The following HTR1D variants were observed in gnomAD, a reference collection of about 807,000 sequenced individuals.
HTR1D encodes 5-hydroxytryptamine receptor 1D.
In HTR1D, 18 loss-of-function variants were observed where a neutral mutation model predicts 21.1. That is an observed-to-expected ratio of 0.85 (90% CI 0.59 to 1.27). The LOEUF (loss-of-function observed/expected upper bound fraction) is 1.27. Ranked by LOEUF, HTR1D falls within the 50% of genes most tolerant of loss-of-function variation. The pLI is 0.00. For missense variants in HTR1D, 456 were observed against 481.4 expected, an observed-to-expected ratio of 0.95 and a Z score of 0.49; for synonymous variants, 196 against 204.4, an observed-to-expected ratio of 0.96 and a Z score of 0.35.
chr1:23,216,056 C>T (rs886095205), intron 1 of HTR1D, among the ~76,000 whole-genome samples: 2 of 152,248 alleles, frequency 1.3e-5, no homozygotes, highest in Non-Finnish European at 2.9e-5. Context: ...ACCAGTGGAG[C>T]AGGACTAAAG....
In HTR1D at chr1:23,193,494, G is replaced by C. The variant is rs1319889673; in HGVS notation, c.726C>G (p.Ala242=). ...ACCCGGCAGAGCCTGTGATGAGGTG[G>C]GCCGTGGTGAAGCGCTTCCCATAGA... ...PSLYGKRFTT[A]HLITGSAGSS... is the part of the protein sequence containing the mutation. Residue 242 remains alanine (A), a synonymous_variant, in exon 2 of 2, where the codon GCC becomes GCG. Transcript: ENST00000374619. The C allele has an allele frequency of 6.2e-7, 1 of 1,613,948 alleles. No homozygotes were observed. The highest frequency in any genetic ancestry group is 1.3e-5 in the African/African-American group (1 of 74,916).
chr1:23,197,703 C>G (rs866108008), intron 1 of HTR1D, among the ~76,000 whole-genome samples: 1 of 144,986 alleles, frequency 6.9e-6, no homozygotes, highest in South Asian at 2.2e-4. Flanking sequence ...GCCTGGGCGA[C>G]AGAGCAAGAC....
chr1:23,193,653 C>T lies in HTR1D; in HGVS notation c.567G>A (p.Leu189=). The T allele has an allele frequency of 6.2e-7, 1 of 1,613,524 alleles. No homozygotes were observed. The highest frequency in any genetic ancestry group is 1.6e-4 in the Middle Eastern group (1 of 6,062). Reference sequence around the variant, plus strand: ...TGTAGGAGATCTGAGAGGTGTTCACCAGACAGTCCGACATCTCCTCCTGGG... The same window carrying T: ...TGTAGGAGATCTGAGAGGTGTTCACTAGACAGTCCGACATCTCCTCCTGGG... ...AKAQEEMSDC[L]VNTSQISYTI... Residue 189 remains leucine, a synonymous_variant, in exon 2 of 2, where the codon CTG becomes CTA. Coordinates refer to ENST00000374619, the MANE Select transcript of HTR1D (RefSeq NM_000864.5).
intron 1 of HTR1D, among the ~76,000 whole-genome samples, chr1:23,211,997 A>G (rs540461727): frequency 3.5e-4 from 53 of 152,032 alleles, no homozygotes; most frequent in African/African-American, 1.1e-3. Flanking sequence ...TTGTTTACCT[A>G]TCCAGACATC....
chr1:23,196,934 A>G (rs1386895400), intron 1 of HTR1D, among the ~76,000 whole-genome samples: 3 of 152,112 alleles, frequency 2.0e-5, no homozygotes, highest in African/African-American at 2.4e-5. Flanking sequence ...GCTCCACCCC[A>G]AAAGCCTCCG....
chr1:23,210,364 C>T (rs1193279221), intron 1 of HTR1D, among the ~76,000 whole-genome samples: 1 of 152,244 alleles, frequency 6.6e-6, no homozygotes, highest in African/African-American at 2.4e-5. Flanking sequence ...AGGCGTGAGC[C>T]ACCACGCCCA....
In HTR1D at chr1:23,194,224, G is replaced by T; in HGVS notation, c.-5C>A. 1.9e-6 allele frequency: 3 copies of T among 1,608,414 alleles called. No homozygotes were observed. The highest frequency in any genetic ancestry group is 2.5e-6 in the Non-Finnish European group (3 of 1,177,346). On this transcript the variant is annotated 5_prime_UTR_variant, in exon 2 of 2. Coordinates refer to ENST00000374619, the MANE Select transcript of HTR1D (RefSeq NM_000864.5). The stretch of plus-strand genomic sequence containing the variant: ...TGACTGGTTCAGTGGGGACATGCTA[G>T]GTGGCTCTCTCTTCCCACAGACCTC...
intron 1 of HTR1D, among the ~76,000 whole-genome samples, chr1:23,214,919 G>A (rs1644767348): frequency 6.6e-6 from 1 of 152,174 alleles, no homozygotes; most frequent in African/African-American, 2.4e-5. Context: ...CCAATGGGGT[G>A]GGTGAGATCA....
rs200435864 is a variant in HTR1D at position 23,193,906 on chromosome 1, T to C, written c.314A>G (p.Asn105Ser). The C allele has an allele frequency of 9.5e-5, 154 of 1,614,056 alleles. No individual in the cohort carries two copies. The Middle Eastern group carries it at 1.8e-3, about 19-fold the overall frequency. The change falls in exon 2 of 2, where the codon AAC becomes AGC. Residue 105 changes from asparagine to serine, a missense_variant. Physicochemically the swap from Asn to Ser is conservative, Grantham distance 46. Coordinates refer to ENST00000374619, the MANE Select transcript of HTR1D (RefSeq NM_000864.5). ...SIAYTITHTW[N>S]FGQILCDIWL... The stretch of plus-strand genomic sequence containing the variant: ...GATGTCACACAAGATTTGGCCAAAG[T>C]TCCAGGTGTGGGTGATGGTATAGGC...
At chr1:23,202,257 C>T (rs555217360) in intron 1 of HTR1D, among the ~76,000 whole-genome samples, 7 of 152,014 alleles carry the variant, frequency 4.6e-5, no homozygotes, top group Middle Eastern at 3.4e-3. Context: ...CCACCACAAC[C>T]GACTAATTTT....
intron 1 of HTR1D, among the ~76,000 whole-genome samples, chr1:23,199,014 C>G (rs543593240): frequency 6.9e-6 from 1 of 144,600 alleles, no homozygotes; most frequent in Non-Finnish European, 1.5e-5. Flanking sequence ...TACCACCATG[C>G]CCGGCTAATT....
intron 1 of HTR1D, among the ~76,000 whole-genome samples, chr1:23,212,395 T>C (rs1644756956): frequency 6.6e-6 from 1 of 152,176 alleles, no homozygotes; most frequent in Non-Finnish European, 1.5e-5. Flanking sequence ...CCCTCTCACT[T>C]ACCATCCAGC....
At chr1:23,202,697 G>A (rs1247461578) in intron 1 of HTR1D, among the ~76,000 whole-genome samples, 1 of 152,200 alleles carries the variant, frequency 6.6e-6, no homozygotes, top group Non-Finnish European at 1.5e-5. Flanking sequence ...ACACAGATGA[G>A]TGAGCTCTGG....
rs200451791 is a variant in HTR1D, at chr1:23,193,129, C to T, written c.1091G>A (p.Arg364Gln). The change falls in exon 2 of 2, where the codon CGG (arginine) becomes CAG (glutamine). Residue 364 changes from arginine (R) to glutamine (Q), a missense_variant. Arg to Gln is a conservative substitution (Grantham distance 43). Transcript: ENST00000374619. ...IIYTVFNEEF[R>Q]QAFQKIVPFR... The stretch of plus-strand genomic sequence containing the variant: ...AGGGACAATTTTCTGAAAAGCTTGC[C>T]GAAACTCTTCATTAAACACAGTGTA... 1.3e-5 allele frequency: 21 copies of T among 1,611,622 alleles called. No homozygotes were observed. In the South Asian group the frequency reaches 1.3e-4, roughly 10 times the overall value.
chr1:23,211,610 TA>T (rs1644753690), intron 1 of HTR1D, among the ~76,000 whole-genome samples: 1 of 44,722 alleles, frequency 2.2e-5, no homozygotes, highest in African/African-American at 1.1e-4. Flanking sequence ...AAATCCTTTT[TA>T]TGTATGTATG....
At chr1:23,202,079 G>T (rs1186737800) in intron 1 of HTR1D, among the ~76,000 whole-genome samples, 1 of 151,586 alleles carries the variant, frequency 6.6e-6, no homozygotes, top group African/African-American at 2.4e-5. Flanking sequence ...GTTTTTTGTT[G>T]TTGTTGTTGT....
intron 1 of HTR1D, among the ~76,000 whole-genome samples, chr1:23,203,640 G>T (rs958799514): frequency 6.6e-6 from 1 of 152,100 alleles, no homozygotes; most frequent in African/African-American, 2.4e-5. Flanking sequence ...CTGGGCAACA[G>T]AGTGAGCCCC....
At chr1:23,201,596 T>A (rs1167950445) in intron 1 of HTR1D, among the ~76,000 whole-genome samples, 1 of 152,090 alleles carries the variant, frequency 6.6e-6, no homozygotes, top group African/African-American at 2.4e-5. Flanking sequence ...GTTGTCCAGG[T>A]TGGAGTGCAG....
At chr1:23,210,435 G>A (rs1315394074) in intron 1 of HTR1D, among the ~76,000 whole-genome samples, 1 of 152,154 alleles carries the variant, frequency 6.6e-6, no homozygotes, top group Non-Finnish European at 1.5e-5. Context: ...GTTGTGTGAG[G>A]GGTAGCAGTA....
Sources: gnomAD v4.1 joint callset for allele counts (sites outside exome capture counted in the v4.1 genomes callset) on GRCh38, gnomAD v4.1.1 for gene constraint, MANE v1.5 for transcripts, NCBI Gene and HGNC (gene_info 2026-07-23, HGNC 2026-07-21) for gene names.